DCDC2: variants seen among roughly 807,000 people sequenced by gnomAD.
DCDC2 encodes doublecortin domain containing 2.
Under a neutral mutation model 50.2 loss-of-function variants are expected in DCDC2, and 40 were observed. The observed-to-expected ratio is 0.80, with a 90% CI of 0.62 to 1.04. DCDC2 has a LOEUF of 1.04. Among genes scored for constraint, DCDC2 ranks in the 50% least tolerant of loss-of-function variants. The pLI is 0.00. For missense variants in DCDC2, 570 were observed against 581.9 expected, an observed-to-expected ratio of 0.98 and a Z score of 0.21; for synonymous variants, 234 against 210.6, an observed-to-expected ratio of 1.11 and a Z score of -0.96.
At chr6:24,249,320 A>G (rs757626767) in intron 7 of DCDC2, among the ~76,000 whole-genome samples, 16 of 152,162 alleles carry the variant, frequency 1.1e-4, no homozygotes, top group South Asian at 4.1e-4. Flanking sequence ...TTAATTGCTA[A>G]AATTCTATTT....
In DCDC2 at chr6:24,278,124, C is replaced by T. The variant is rs781453322; in HGVS notation, c.847G>A (p.Val283Met). The change falls in exon 7 of 10, where the codon GTG becomes ATG. Residue 283 changes from valine (V) to methionine (M), a missense_variant. Val to Met is a conservative substitution (Grantham distance 21, BLOSUM62 1). Coordinates refer to ENST00000378454, the MANE Select transcript of DCDC2 (RefSeq NM_016356.5). ...AATTTCGTCAGTTTTTCTGAATTCA[C>T]GTCTTCTTTTTTCCCTTTCCTCTTC... Reference protein sequence around the residue: ...PLKRKGKKEDVNSEKLTKLKQ... With the variant: ...PLKRKGKKEDMNSEKLTKLKQ... The T allele has an allele frequency of 7.4e-6, 12 of 1,613,620 alleles. No individual in the cohort carries two copies. Among genetic ancestry groups the T allele is most frequent in the Non-Finnish European group, 8.5e-7 (1 of 1,179,790 alleles).
chr6:24,221,231 C>T (rs140030269), intron 7 of DCDC2, among the ~76,000 whole-genome samples: 28 of 152,228 alleles, frequency 1.8e-4, no homozygotes, highest in African/African-American at 6.0e-4. Context: ...CTCTGCCCAA[C>T]TTCTAAGACC....
At position 24,208,731 on chromosome 6, in the gene DCDC2, A is replaced by G. The variant is rs376397990; in HGVS notation, c.923-3629T>C. On this transcript the variant is annotated intron_variant, in intron 7 of 9. Coordinates refer to ENST00000378454, the MANE Select transcript of DCDC2 (RefSeq NM_016356.5). The stretch of plus-strand genomic sequence containing the variant: ...ATTCATGATCACACTTACTTTAATC[A>G]ATTTCTTTTACCAATTCTGCCCCCT... Among the ~76,000 whole-genome samples the G allele has an allele frequency of 9.9e-5, 15 of 152,078 alleles. No homozygotes were observed. In the East Asian group the frequency reaches 1.5e-3, roughly 16 times the overall value.
intron 7 of DCDC2, among the ~76,000 whole-genome samples, chr6:24,250,321 A>G (rs954498475): frequency 6.6e-6 from 1 of 152,208 alleles, no homozygotes; most frequent in African/African-American, 2.4e-5. Context: ...GCCAAAAATA[A>G]GCAGAAGGTG....
intron 4 of DCDC2, among the ~76,000 whole-genome samples, chr6:24,291,598 G>A (rs1341720127): frequency 7.0e-6 from 1 of 142,694 alleles, no homozygotes; most frequent in East Asian, 2.1e-4. Flanking sequence ...CCATTCTCCT[G>A]CCTCAGCCTC....
intron 4 of DCDC2, among the ~76,000 whole-genome samples, chr6:24,298,767 G>GT (rs1307967424): frequency 1.3e-5 from 2 of 152,132 alleles, no homozygotes; most frequent in Non-Finnish European, 2.9e-5. Flanking sequence ...TACTAGACAG[G>GT]TAACAGTATG....
chr6:24,298,725 G>A (rs762146058), intron 4 of DCDC2, among the ~76,000 whole-genome samples: 5 of 152,068 alleles, frequency 3.3e-5, no homozygotes, highest in South Asian at 2.1e-4. Context: ...CTATTTTCAC[G>A]CAACATGAGT....
intron 7 of DCDC2, among the ~76,000 whole-genome samples, chr6:24,262,152 C>T (rs2113806915): frequency 6.7e-6 from 1 of 149,138 alleles, no homozygotes; most frequent in Middle Eastern, 3.4e-3. Context: ...AGCCTCGTGA[C>T]ACCGAGAGAG....
intron 2 of DCDC2, among the ~76,000 whole-genome samples, chr6:24,316,712 C>T (rs1759674639): frequency 6.6e-6 from 1 of 151,920 alleles, no homozygotes; most frequent in Non-Finnish European, 1.5e-5. Flanking sequence ...AAATGTCTGC[C>T]TGATTTATCC....
At chr6:24,234,708 A>C (rs1762408156) in intron 7 of DCDC2, among the ~76,000 whole-genome samples, 1 of 152,202 alleles carries the variant, frequency 6.6e-6, no homozygotes, top group South Asian at 2.1e-4. Context: ...GTAGATAATG[A>C]TATCAAGCGA....
upstream of DCDC2, among the ~76,000 whole-genome samples, chr6:24,359,913 C>A (rs1163487142): frequency 2.0e-5 from 3 of 152,310 alleles, no homozygotes; most frequent in East Asian, 5.8e-4. Flanking sequence ...GCAAGCGGGG[C>A]CCTGGTTGGG....
chr6:24,243,523 T>G (rs1762607184), intron 7 of DCDC2, among the ~76,000 whole-genome samples: 1 of 152,202 alleles, frequency 6.6e-6, no homozygotes, highest in African/African-American at 2.4e-5. Context: ...GAATAACACC[T>G]GCCATCTTAT....
intron 7 of DCDC2, among the ~76,000 whole-genome samples, chr6:24,246,917 A>T: frequency 6.6e-6 from 1 of 152,212 alleles, no homozygotes; most frequent in South Asian, 2.1e-4. Context: ...ATAACTAAGT[A>T]AAGAAGAACT....
At chr6:24,335,399 GT>G (rs1760040176) in intron 2 of DCDC2, among the ~76,000 whole-genome samples, 1 of 152,182 alleles carries the variant, frequency 6.6e-6, no homozygotes, top group Non-Finnish European at 1.5e-5. Context: ...CAAAAGATAT[GT>G]GGTTATTCGA....
intron 4 of DCDC2, among the ~76,000 whole-genome samples, chr6:24,291,477 CTTTTTTTTTTTTT>C (rs71002483): frequency 3.5e-3 from 302 of 86,630 alleles, no homozygotes; most frequent in African/African-American, 0.013. Flanking sequence ...TTTGTTAATA[CTTTTTTTTTTTTT>C]TTTTTTTTTT....
At chr6:24,340,721 T>TA (rs914475585) in intron 2 of DCDC2, among the ~76,000 whole-genome samples, 7 of 150,736 alleles carry the variant, frequency 4.6e-5, no homozygotes, top group South Asian at 2.1e-4. Context: ...ACTTATTTTC[T>TA]AAAAAAAAAA....
intron 7 of DCDC2, among the ~76,000 whole-genome samples, chr6:24,246,032 C>T (rs138028107): frequency 0.04 from 6,083 of 151,868 alleles, 266 homozygotes; most frequent in African/African-American, 0.11. Flanking sequence ...GAGACAGAGC[C>T]TCACTCTGTT....
intron 7 of DCDC2, among the ~76,000 whole-genome samples, chr6:24,210,023 T>G (rs1331291971): frequency 1.4e-3 from 35 of 24,326 alleles, no homozygotes; most frequent in Non-Finnish European, 3.8e-3. Flanking sequence ...TATCAGGGTG[T>G]GTGTGTGTGT....
At chr6:24,358,144 A>T (rs141508455), upstream of DCDC2, 5 of 517,686 alleles carry the variant, frequency 9.7e-6, no homozygotes, top group Non-Finnish European at 1.7e-5. Flanking sequence ...ACACACACAC[A>T]CACAAATATG....
Sources: allele counts gnomAD v4.1 joint callset (sites outside exome capture counted in the v4.1 genomes callset), GRCh38; gene constraint gnomAD v4.1.1; transcripts MANE v1.5; gene names NCBI Gene and HGNC (gene_info 2026-07-23, HGNC 2026-07-21).